CRIP2: variants seen among roughly 807,000 people sequenced by gnomAD.
CRIP2 encodes cysteine-rich protein 2.
A neutral mutation model predicts 31.3 loss-of-function variants in CRIP2; 31 were observed. That is an observed-to-expected ratio of 0.99 (90% CI 0.74 to 1.34). CRIP2 has a LOEUF of 1.34. CRIP2 is among the 40% of genes most tolerant of loss of function. CRIP2 has a pLI of 0.00. For missense variants in CRIP2, 389 were observed against 301.6 expected (o/e 1.29, Z -2.15); for synonymous variants, 177 against 127.2 (o/e 1.39, Z -2.63).
upstream of CRIP2, chr14:105,473,657 A>G: frequency 8.9e-7 from 1 of 1,117,802 alleles, no homozygotes; most frequent in Non-Finnish European, 1.2e-6. Context: ...GAAGGCTCAG[A>G]GAAGGGCCCA....
At position 105,474,838 on chromosome 14, in the gene CRIP2, C is replaced by G; in HGVS notation, c.-25C>G. On this transcript the variant is annotated 5_prime_UTR_variant, in exon 1 of 8. Coordinates refer to ENST00000329146, the MANE Select transcript of CRIP2 (RefSeq NM_001312.4). This position sits in a 1 kb window ranked among gnomAD's most constrained non-coding sequence, Gnocchi z 5.1. The stretch of plus-strand genomic sequence containing the variant: ...GGCCCGGAGGAGAACGGGCGGAGGG[C>G]GCGGGCCGACCGGGCGCACCGACCA... 1 of 1,462,598 alleles carries G rather than the reference C, an allele frequency of 6.8e-7. No individual in the cohort carries two copies. Among genetic ancestry groups the G allele is most frequent in the Non-Finnish European group, 9.1e-7 (1 of 1,100,346 alleles). The allele number at this position is 1,462,598 out of a possible 1,614,324, so 90.6% of individuals were successfully genotyped here.
intron 1 of CRIP2, chr14:105,476,223 G>A: frequency 1.0e-6 from 1 of 985,484 alleles, no homozygotes; most frequent in Non-Finnish European, 1.2e-6. Flanking sequence ...CCAGCCTGGG[G>A]CTCTCCAGGG....
chr14:105,478,206 G>A lies in CRIP2; in HGVS notation c.44-60G>A. On this transcript the variant is annotated intron_variant, in intron 1 of 7. Coordinates refer to ENST00000329146, the MANE Select transcript of CRIP2 (RefSeq NM_001312.4). This position sits in a 1 kb window ranked among gnomAD's most constrained non-coding sequence, Gnocchi z 4.9. ...CGTGGGGGTGGTGGCTGCCAGGTGGGGGCGGAGGGGGTGCGGGGCGCGCCC... is the reference window on the plus strand; with the variant it reads ...CGTGGGGGTGGTGGCTGCCAGGTGGAGGCGGAGGGGGTGCGGGGCGCGCCC... 1 of 1,341,004 alleles carries A rather than the reference G, an allele frequency of 7.5e-7. No individual in the cohort carries two copies. The highest frequency in any genetic ancestry group is 2.8e-5 in the East Asian group (1 of 36,330). 83.1% of individuals were successfully genotyped at this position (1,341,004 alleles called of 1,614,324 possible).
chr14:105,473,190 C>G, upstream of CRIP2: 1 of 1,529,156 alleles, frequency 6.5e-7, no homozygotes. Context: ...TGTGAGGGAC[C>G]CCTAGGGACC....
chr14:105,475,571 G>T, intron 1 of CRIP2, among the ~76,000 whole-genome samples: 1 of 152,352 alleles, frequency 6.6e-6, no homozygotes, highest in South Asian at 2.1e-4. Flanking sequence ...ACGTGAGAGG[G>T]ACCTTGTGCT....
At chr14:105,476,224 C>T in intron 1 of CRIP2, 5 of 985,502 alleles carry the variant, frequency 5.1e-6, no homozygotes, top group Middle Eastern at 1.0e-3. Context: ...CAGCCTGGGG[C>T]TCTCCAGGGT....
rs1555435384 is a variant in CRIP2 at position 105,474,838 on chromosome 14, C to T, written c.-25C>T. The T allele has an allele frequency of 6.8e-7, 1 of 1,462,592 alleles. No individual in the cohort carries two copies. Among genetic ancestry groups the T allele is most frequent in the Non-Finnish European group, 9.1e-7 (1 of 1,100,346 alleles). 90.6% of individuals were successfully genotyped at this position (1,462,592 alleles called of 1,614,324 possible). On this transcript the variant is annotated 5_prime_UTR_variant, in exon 1 of 8. Coordinates refer to ENST00000329146, the MANE Select transcript of CRIP2 (RefSeq NM_001312.4). The surrounding 1 kb of genome is among the most constrained non-coding windows in gnomAD (Gnocchi z 5.1). ...GGCCCGGAGGAGAACGGGCGGAGGGCGCGGGCCGACCGGGCGCACCGACCA... is the reference window on the plus strand; with the variant it reads ...GGCCCGGAGGAGAACGGGCGGAGGGTGCGGGCCGACCGGGCGCACCGACCA...
rs1390817775 is a variant in CRIP2 at position 105,478,357 on chromosome 14, C to A, written c.135C>A (p.Ala45=). ...CSKTLTPGGH[A]EHDGKPFCHK... Reference sequence around the variant, plus strand: ...AGACGCTGACGCCCGGGGGCCACGCCGAGGTGAGCCCCACTGCGCGGCGCG... The same window carrying A: ...AGACGCTGACGCCCGGGGGCCACGCAGAGGTGAGCCCCACTGCGCGGCGCG... The change falls in exon 2 of 8, where the codon GCC becomes GCA. Residue 45 remains alanine, a synonymous_variant. Coordinates refer to ENST00000329146, the MANE Select transcript of CRIP2 (RefSeq NM_001312.4). The surrounding 1 kb of genome is among the most constrained non-coding windows in gnomAD (Gnocchi z 4.9). The A allele has an allele frequency of 1.3e-6, 2 of 1,565,660 alleles. No individual in the cohort carries two copies. Among genetic ancestry groups the A allele is most frequent in the Non-Finnish European group, 1.7e-6 (2 of 1,158,722 alleles).
At chr14:105,477,293 C>T (rs1473257006) in intron 1 of CRIP2, 23 of 985,278 alleles carry the variant, frequency 2.3e-5, no homozygotes, top group East Asian at 1.1e-4. Context: ...CAGAGGGTCC[C>T]GGACCCTCAG....
rs2084008762 is a variant in CRIP2 at position 105,478,651 on chromosome 14, C to T, written c.197-80C>T. 7 of 1,466,648 alleles carry T rather than the reference C, an allele frequency of 4.8e-6. No homozygotes were observed. The highest frequency in any genetic ancestry group is 1.4e-5 in the African/African-American group (1 of 70,512). The allele number at this position is 1,466,648 out of a possible 1,614,324, so 90.9% of individuals were successfully genotyped here. A position where few individuals can be genotyped will look rare whatever the true frequency, so the allele number is the denominator to read the frequency against. On this transcript the variant is annotated intron_variant, in intron 3 of 7. Coordinates refer to ENST00000329146, the MANE Select transcript of CRIP2 (RefSeq NM_001312.4). This position sits in a 1 kb window ranked among gnomAD's most constrained non-coding sequence, Gnocchi z 4.9. The stretch of plus-strand genomic sequence containing the variant: ...TGGAAAGCCTAGTGCCCCCCAGTCC[C>T]CAGCGGGCCGTTTTCTGAGATGCCC...
At chr14:105,475,915 C>T in intron 1 of CRIP2, 1 of 985,562 alleles carries the variant, frequency 1.0e-6, no homozygotes, top group South Asian at 4.7e-5. Context: ...TCGCCCCATA[C>T]CCAGAATGCG....
At chr14:105,472,959 C>T (rs1595445746), upstream of CRIP2, 2 of 557,540 alleles carry the variant, frequency 3.6e-6, no homozygotes, top group Non-Finnish European at 6.4e-6. Flanking sequence ...ACTCTTCTGG[C>T]AGGGCTGGGG....
At chr14:105,475,008 C>A in intron 1 of CRIP2, 103 bp downstream of exon 1, 1 of 1,245,596 alleles carries the variant, frequency 8.0e-7, no homozygotes, top group South Asian at 2.3e-5. Flanking sequence ...CGCCCGGCCC[C>A]GGCCCCGGAC....
In CRIP2 at chr14:105,479,132, G is replaced by A. The variant is rs782567304; in HGVS notation, c.414G>A (p.Lys138=). 1.2e-6 allele frequency: 2 copies of A among 1,611,768 alleles called. No individual in the cohort carries two copies. The highest frequency in any genetic ancestry group is 1.7e-5 in the Admixed American group (1 of 59,986). The change falls in exon 6 of 8, where the codon AAG becomes AAA. Residue 138 remains lysine (K), a synonymous_variant. Transcript: ENST00000329146. ...RCSKKVYFAE[K]VTSLGKDWHR... ...ACTCCTCCCCCTTTCCAGCTGAGAA[G>A]GTGACGTCTCTGGGCAAGGATTGGC...
chr14:105,475,268 G>C lies in CRIP2; in HGVS notation c.43+363G>C, dbSNP rs1248227720. On this transcript the variant is annotated intron_variant, in intron 1 of 7. Coordinates refer to ENST00000329146, the MANE Select transcript of CRIP2 (RefSeq NM_001312.4). ...GGGCGGGGCGGGGCAGGGCGTGGCTGTACGCCCCGGGTGCGTCCCGCGCGC... is the reference window on the plus strand; with the variant it reads ...GGGCGGGGCGGGGCAGGGCGTGGCTCTACGCCCCGGGTGCGTCCCGCGCGC... 2.7e-5 allele frequency: 6 copies of C among 222,242 alleles called. No homozygotes were observed. The East Asian group carries it at 5.4e-4, about 20-fold the overall frequency. The allele number at this position is 222,242 out of a possible 1,614,324, so 13.8% of individuals were successfully genotyped here. A position where few individuals can be genotyped will look rare whatever the true frequency, so the allele number is the denominator to read the frequency against.
In CRIP2 at chr14:105,474,850, G is replaced by A. The variant is rs782265452; in HGVS notation, c.-13G>A. ...AACGGGCGGAGGGCGCGGGCCGACC[G>A]GGCGCACCGACCATGGCCTCCAAAT... On this transcript the variant is annotated 5_prime_UTR_variant, in exon 1 of 8. Coordinates refer to ENST00000329146, the MANE Select transcript of CRIP2 (RefSeq NM_001312.4). This position sits in a 1 kb window ranked among gnomAD's most constrained non-coding sequence, Gnocchi z 5.1. 6 of 1,483,212 alleles carry A rather than the reference G, an allele frequency of 4.0e-6. No individual in the cohort carries two copies. The Admixed American group carries it at 6.6e-5, about 16-fold the overall frequency. 91.9% of individuals were successfully genotyped at this position (1,483,212 alleles called of 1,614,324 possible).
Position 105,478,723 on chromosome 14 carries a change from A to G in CRIP2, c.197-8A>G, listed in dbSNP as rs1245601392. The G allele has an allele frequency of 3.0e-6, 4 of 1,341,268 alleles. No homozygotes were observed. Among genetic ancestry groups the G allele is most frequent in the Non-Finnish European group, 3.8e-6 (4 of 1,043,526 alleles). The allele number at this position is 1,341,268 out of a possible 1,614,324, so 83.1% of individuals were successfully genotyped here. ...ACGTACCCCCGCCCCACGTACCCCC[A>G]CCCGCAGGCGTGAACATCGGGGGCG... On this transcript the variant is annotated splice_region_variant and splice_polypyrimidine_tract_variant and intron_variant, in intron 3 of 7. Coordinates refer to ENST00000329146, the MANE Select transcript of CRIP2 (RefSeq NM_001312.4). This position sits in a 1 kb window ranked among gnomAD's most constrained non-coding sequence, Gnocchi z 4.9.
At chr14:105,473,343 A>G, upstream of CRIP2, 1 of 1,533,534 alleles carries the variant, frequency 6.5e-7, no homozygotes, top group South Asian at 1.2e-5. Context: ...GGCGGGGGGC[A>G]TGTTTCTGGC....
upstream of CRIP2, chr14:105,474,337 G>A (rs1555435279): frequency 6.6e-6 from 1 of 151,646 alleles, no homozygotes; most frequent in African/African-American, 2.4e-5. The surrounding 1 kb of genome is among the most constrained non-coding windows in gnomAD (Gnocchi z 5.1). Flanking sequence ...GCAACAAAGG[G>A]AAGCGGGACA....
Sources: gnomAD v4.1 joint callset for allele counts (sites outside exome capture counted in the v4.1 genomes callset) on GRCh38, gnomAD v4.1.1 for gene constraint, Gnocchi (gnomAD v3.1) non-coding constraint, MANE v1.5 for transcripts, NCBI Gene and HGNC (gene_info 2026-07-23, HGNC 2026-07-21) for gene names.